ZFHX3: variants seen among roughly 807,000 people sequenced by gnomAD.
ZFHX3 encodes zinc finger homeobox 3, also known as zinc finger homeobox protein 3.
ZFHX3 carries 42 observed loss-of-function variants against 279.1 expected under a neutral mutation model. That is an observed-to-expected ratio of 0.15 (90% CI 0.12 to 0.19). The LOEUF (loss-of-function observed/expected upper bound fraction) is 0.19. ZFHX3 is among the 10% of genes least tolerant of loss of function. The pLI is 1.00. For missense variants in ZFHX3, 4,981 were observed against 4,754.0 expected, an observed-to-expected ratio of 1.05 and a Z score of -1.40; for synonymous variants, 2,293 against 1,957.8, an observed-to-expected ratio of 1.17 and a Z score of -4.52.
intron 9 of ZFHX3, 129 bp from the exon 10 acceptor site, chr16:72,788,977 A>C: frequency 1.5e-6 from 2 of 1,349,610 alleles, no homozygotes; most frequent in Non-Finnish European, 2.0e-6. Flanking sequence ...CTCAAAACGA[A>C]CATTTCCAAC....
intron 1 of ZFHX3, among the ~76,000 whole-genome samples, chr16:73,818,466 A>G (rs1489582725): frequency 6.6e-6 from 1 of 152,194 alleles, no homozygotes; most frequent in Admixed American, 6.5e-5. Context: ...CCTGTCATCA[A>G]CGCAGCATCA....
chr16:73,319,275 G>A lies in ZFHX3; in HGVS notation c.-1290-939C>T, dbSNP rs188132538. 5.9e-5 allele frequency among the ~76,000 whole-genome samples: 9 copies of A among 152,108 alleles called. No homozygotes were observed. In the South Asian group the frequency reaches 8.3e-4, roughly 14 times the overall value. ...TTAGGAGCATCAAAGGCCAAGCAAC[G>A]TTGATGAATATGGGCAGGCAGACGA... On this transcript the variant is annotated intron_variant, in intron 3 of 17. Transcript: ENST00000641206.
intron 1 of ZFHX3, among the ~76,000 whole-genome samples, chr16:73,790,406 T>A (rs894035919): frequency 6.6e-6 from 1 of 152,204 alleles, no homozygotes; most frequent in African/African-American, 2.4e-5. Context: ...AAAGTGGGTA[T>A]CTGTTCTGTG....
Position 72,896,633 on chromosome 16 carries a change from T to C in ZFHX3, c.3217-6671A>G, listed in dbSNP as rs1275151626. On this transcript the variant is annotated intron_variant, in intron 3 of 9. Coordinates refer to ENST00000268489, the MANE Select transcript of ZFHX3 (RefSeq NM_006885.4). ...AAAGAGGGCTCTTGTTAGAAAATAATGCATCGTGAAAATCAAAAAAACGTG... is the reference window on the plus strand; with the variant it reads ...AAAGAGGGCTCTTGTTAGAAAATAACGCATCGTGAAAATCAAAAAAACGTG... 3.3e-5 allele frequency among the ~76,000 whole-genome samples: 5 copies of C among 152,246 alleles called. No homozygotes were observed. The East Asian group carries it at 5.8e-4, about 18-fold the overall frequency.
intron 1 of ZFHX3, among the ~76,000 whole-genome samples, chr16:73,887,052 T>A (rs2030370256): frequency 6.6e-6 from 1 of 152,218 alleles, no homozygotes; most frequent in Non-Finnish European, 1.5e-5. Context: ...ATCCATATGG[T>A]CACCTGAGTT....
chr16:73,294,538 A>G (rs2014855688), intron 4 of ZFHX3, among the ~76,000 whole-genome samples: 1 of 152,112 alleles, frequency 6.6e-6, no homozygotes, highest in Admixed American at 6.5e-5. Context: ...GGGCTGGGCG[A>G]GGTGGCTCAC....
chr16:73,126,044 G>A (rs910239324), intron 7 of ZFHX3, among the ~76,000 whole-genome samples: 1 of 152,134 alleles, frequency 6.6e-6, no homozygotes, highest in Non-Finnish European at 1.5e-5. Context: ...GCTGAAAAAT[G>A]CACAGAGAGG....
chr16:73,695,453 T>C (rs1329634958), intron 1 of ZFHX3, among the ~76,000 whole-genome samples: 4 of 152,124 alleles, frequency 2.6e-5, no homozygotes, highest in Admixed American at 2.0e-4. Context: ...TCCCACTTGA[T>C]AGATGAAGAA....
intron 4 of ZFHX3, among the ~76,000 whole-genome samples, chr16:73,277,541 A>C (rs2014331644): frequency 6.6e-6 from 1 of 152,176 alleles, no homozygotes; most frequent in African/African-American, 2.4e-5. Flanking sequence ...CGATGAATTA[A>C]ATCCTCATGA....
At chr16:73,497,390 C>G (rs533987077) in intron 2 of ZFHX3, among the ~76,000 whole-genome samples, 23 of 152,230 alleles carry the variant, frequency 1.5e-4, no homozygotes, top group Non-Finnish European at 2.9e-4. Flanking sequence ...TACTTGAGGT[C>G]AGGTGCAGTG....
At chr16:72,891,259 T>C (rs1308956292) in intron 3 of ZFHX3, among the ~76,000 whole-genome samples, 5 of 152,172 alleles carry the variant, frequency 3.3e-5, no homozygotes, top group African/African-American at 7.2e-5. Flanking sequence ...TTGTACTTAG[T>C]AGACACAGTA....
At chr16:73,727,173 A>G (rs1045193449) in intron 1 of ZFHX3, among the ~76,000 whole-genome samples, 1 of 152,154 alleles carries the variant, frequency 6.6e-6, no homozygotes, top group Non-Finnish European at 1.5e-5. Context: ...CCAGACCAAC[A>G]CAGATCCTGA....
intron 3 of ZFHX3, among the ~76,000 whole-genome samples, chr16:73,422,899 A>T (rs1302794935): frequency 1.3e-5 from 2 of 152,222 alleles, no homozygotes; most frequent in Non-Finnish European, 2.9e-5. Context: ...TGTGAGAAAG[A>T]AGGCTACAGG....
At position 72,827,601 on chromosome 16, in the gene ZFHX3, G is replaced by A. The variant is rs188659240; in HGVS notation, c.3529+2178C>T. ...TCACCTGGCGATCTGTTTAATTGCCGTGTGAACCATTTGTTTAGCTCTCAT... is the reference window on the plus strand; with the variant it reads ...TCACCTGGCGATCTGTTTAATTGCCATGTGAACCATTTGTTTAGCTCTCAT... On this transcript the variant is annotated intron_variant, in intron 5 of 9. Transcript: ENST00000268489. Among the ~76,000 whole-genome samples the A allele has an allele frequency of 1.6e-4, 25 of 152,278 alleles. 1 individual carries two copies. Among genetic ancestry groups the A allele is most frequent in the Admixed American group, 6.5e-5 (1 of 15,300 alleles).
chr16:73,294,060 A>C (rs764202396), intron 4 of ZFHX3: 2 of 151,482 alleles, frequency 1.3e-5, no homozygotes, highest in South Asian at 4.2e-4. Flanking sequence ...TTTCTGGAAA[A>C]GTTATTCTCG....
At position 73,697,759 on chromosome 16, in the gene ZFHX3, C is replaced by CA. The variant is rs35037276; in HGVS notation, c.-1607-17520dup. Among the ~76,000 whole-genome samples, 1,290 of 150,580 alleles carry CA rather than the reference C, an allele frequency of 8.6e-3. 27 individuals are homozygous for CA. The highest frequency in any genetic ancestry group is 0.029 in the African/African-American group (1,188 of 40,856). The stretch of plus-strand genomic sequence containing the variant: ...TTTCACCACTTTTATTCTGTGGTCA[C>CA]AAAAAAAAAAATAGAAACAATTCTA... On this transcript the variant is annotated intron_variant, in intron 1 of 17. Coordinates refer to the ZFHX3 transcript ENST00000641206.
chr16:73,678,394 A>G (rs960437688), intron 2 of ZFHX3, among the ~76,000 whole-genome samples: 2 of 152,210 alleles, frequency 1.3e-5, no homozygotes, highest in African/African-American at 4.8e-5. Flanking sequence ...CTTAAAGAAT[A>G]TATACAAAAT....
At chr16:73,496,002 T>C (rs901529325) in intron 2 of ZFHX3, among the ~76,000 whole-genome samples, 3 of 152,318 alleles carry the variant, frequency 2.0e-5, no homozygotes, top group East Asian at 1.9e-4. Context: ...AACATAAATA[T>C]GATGCTAGAC....
At chr16:73,478,152 G>T (rs571664543) in intron 2 of ZFHX3, among the ~76,000 whole-genome samples, 1 of 151,658 alleles carries the variant, frequency 6.6e-6, no homozygotes, top group South Asian at 2.1e-4. Flanking sequence ...TGCAGTCCCA[G>T]CTACTCGGGA....
Sources: allele counts gnomAD v4.1 joint callset (sites outside exome capture counted in the v4.1 genomes callset), GRCh38; gene constraint gnomAD v4.1.1; transcripts MANE v1.5; gene names NCBI Gene and HGNC (gene_info 2026-07-23, HGNC 2026-07-21).